Variants in NDUFAF7 observed in about 807,000 individuals in gnomAD.
NDUFAF7 encodes the protein protein arginine methyltransferase NDUFAF7, mitochondrial.
Under a neutral mutation model 47.2 loss-of-function variants are expected in NDUFAF7, and 48 were observed. The ratio of observed to expected loss-of-function variants is 1.02; its 90% CI spans 0.81 to 1.29. NDUFAF7 has a LOEUF of 1.29. Ranked by LOEUF, NDUFAF7 falls within the 50% of genes most tolerant of loss-of-function variation. The pLI is 0.00. For synonymous variants in NDUFAF7, 217 were observed against 190.0 expected (o/e 1.14, Z -1.17); for missense variants, 635 against 537.6 (o/e 1.18, Z -1.79).
the NDUFAF7 span, chr2:37,260,073 G>A: frequency 2.9e-6 from 2 of 695,390 alleles, no homozygotes; most frequent in East Asian, 2.8e-5. Context: ...GCTGAGGCAT[G>A]AGAATCACTT....
rs749885411 is a variant in NDUFAF7 at position 37,248,382 on chromosome 2, G to A, written c.*32G>A. Reference sequence around the variant, plus strand: ...AGCTTGGACATTTTACCCTTCAGTCGGCCCAAGAAATCAAAATAAAGGAAA... The same window carrying A: ...AGCTTGGACATTTTACCCTTCAGTCAGCCCAAGAAATCAAAATAAAGGAAA... On this transcript the variant is annotated 3_prime_UTR_variant, in exon 10 of 10. Transcript: ENST00000002125. 6 of 1,579,314 alleles carry A rather than the reference G, an allele frequency of 3.8e-6. No individual in the cohort carries two copies. Among genetic ancestry groups the A allele is most frequent in the South Asian group, 1.1e-5 (1 of 90,282 alleles).
chr2:37,242,238 T>C (rs906967329), intron 5 of NDUFAF7: 1 of 261,752 alleles, frequency 3.8e-6, no homozygotes. Context: ...ATTGACTAGT[T>C]TGAGTCTTGA....
downstream of NDUFAF7, chr2:37,250,422 T>TAACA (rs1325722450): frequency 2.0e-5 from 3 of 152,178 alleles, no homozygotes; most frequent in Non-Finnish European, 4.4e-5. Flanking sequence ...TCTGGTAGTA[T>TAACA]AACAGTTGGA....
chr2:37,256,961 TTA>T (rs1668001312), downstream of NDUFAF7: 1 of 1,610,578 alleles, frequency 6.2e-7, no homozygotes, highest in Non-Finnish European at 8.5e-7. Context: ...TAATTTTGTA[TTA>T]TAGTGTTATA....
At chr2:37,254,741 C>G (rs1252850176), downstream of NDUFAF7, among the ~76,000 whole-genome samples, 1 of 152,186 alleles carries the variant, frequency 6.6e-6, no homozygotes, top group African/African-American at 2.4e-5. Flanking sequence ...CTCCCCACCC[C>G]GCTCCAATGC....
At chr2:37,267,145 G>A in the NDUFAF7 span, among the ~76,000 whole-genome samples, 1 of 152,238 alleles carries the variant, frequency 6.6e-6, no homozygotes, top group East Asian at 1.9e-4. Flanking sequence ...TGTGAAAACT[G>A]GATGGGTAAA....
chr2:37,269,657 C>T, the NDUFAF7 span: 3 of 1,612,702 alleles, frequency 1.9e-6, no homozygotes, highest in South Asian at 1.1e-5. Context: ...AGCACCTCAT[C>T]TGCAAAGATC....
At chr2:37,261,954 C>G in the NDUFAF7 span, among the ~76,000 whole-genome samples, 1 of 152,130 alleles carries the variant, frequency 6.6e-6, no homozygotes, top group South Asian at 2.1e-4. Flanking sequence ...ATATTCAACA[C>G]ATTAGTGTAA....
At chr2:37,256,964 T>C (rs754611197), downstream of NDUFAF7, 3 of 1,608,746 alleles carry the variant, frequency 1.9e-6, no homozygotes, top group Admixed American at 1.7e-5. Flanking sequence ...TTTTGTATTA[T>C]AGTGTTATAT....
intron 2 of NDUFAF7, among the ~76,000 whole-genome samples, chr2:37,235,061 T>C (rs1038240035): frequency 1.3e-5 from 2 of 152,074 alleles, no homozygotes; most frequent in Non-Finnish European, 2.9e-5. Context: ...CAACTATACT[T>C]TGTGGTGAAG....
intron 4 of NDUFAF7, 40 bp from the exon 5 acceptor site, chr2:37,241,538 C>CT: frequency 6.7e-7 from 1 of 1,493,294 alleles, no homozygotes; most frequent in Non-Finnish European, 9.2e-7. Flanking sequence ...TTAAAACCTA[C>CT]TTAACACATT....
At chr2:37,268,536 C>CA in the NDUFAF7 span, 1 of 337,014 alleles carries the variant, frequency 3.0e-6, no homozygotes, top group Non-Finnish European at 5.8e-6. Flanking sequence ...AATGTAAACC[C>CA]AAAGGGTAAT....
At chr2:37,241,898 C>A in intron 5 of NDUFAF7, 107 bp downstream of exon 5, 2 of 981,406 alleles carry the variant, frequency 2.0e-6, no homozygotes, top group Non-Finnish European at 3.0e-6. Flanking sequence ...TTACTGCTGC[C>A]AAGTCCCTTA....
At chr2:37,262,642 CTGTTT>C in the NDUFAF7 span, among the ~76,000 whole-genome samples, 1 of 151,854 alleles carries the variant, frequency 6.6e-6, no homozygotes, top group Non-Finnish European at 1.5e-5. Context: ...TGAAATGTGA[CTGTTT>C]TGCTAGGCCA....
chr2:37,259,433 T>C, the NDUFAF7 span: 1 of 531,292 alleles, frequency 1.9e-6, no homozygotes, highest in East Asian at 3.0e-5. Flanking sequence ...CATTTAGTTA[T>C]TAATCCTCAC....
chr2:37,268,592 G>C, the NDUFAF7 span: 1 of 245,530 alleles, frequency 4.1e-6, no homozygotes, highest in Non-Finnish European at 8.1e-6. Context: ...TACCAAAGGG[G>C]AACCATGTTT....
At chr2:37,242,987 C>CA (rs1006017013) in intron 6 of NDUFAF7, among the ~76,000 whole-genome samples, 28 of 149,630 alleles carry the variant, frequency 1.9e-4, no homozygotes, top group East Asian at 1.2e-3. Flanking sequence ...TTTACTTAAG[C>CA]AAAAAAAAAA....
chr2:37,252,230 C>G (rs191636637), downstream of NDUFAF7: 6 of 152,296 alleles, frequency 3.9e-5, no homozygotes, highest in African/African-American at 1.4e-4. Flanking sequence ...GTAGCATTAA[C>G]TGACCCTGCA....
At chr2:37,269,836 G>A in the NDUFAF7 span, 1 of 620,700 alleles carries the variant, frequency 1.6e-6, no homozygotes, top group Non-Finnish European at 2.7e-6. Flanking sequence ...GAAAACACAG[G>A]CTTTCTATGT....
Sources: allele counts gnomAD v4.1 joint callset (sites outside exome capture counted in the v4.1 genomes callset), GRCh38; gene constraint gnomAD v4.1.1; transcripts MANE v1.5; gene names NCBI Gene and HGNC (gene_info 2026-07-23, HGNC 2026-07-21).